The following SLC15A1 variants were observed in gnomAD, a reference collection of about 807,000 sequenced individuals.
SLC15A1 encodes the protein solute carrier family 15 member 1.
Under a neutral mutation model 92.9 loss-of-function variants are expected in SLC15A1, and 83 were observed. The ratio of observed to expected loss-of-function variants is 0.89; its 90% CI spans 0.75 to 1.07. The LOEUF is 1.07. Among genes scored for constraint, SLC15A1 ranks in the 50% least tolerant of loss-of-function variants. The probability of loss-of-function intolerance (pLI) is 0.00; values close to 1 mark genes in which losing one functional copy is unlikely to be tolerated. For missense variants in SLC15A1, 857 were observed against 880.1 expected, an observed-to-expected ratio of 0.97 and a Z score of 0.33; for synonymous variants, 322 against 318.2, an observed-to-expected ratio of 1.01 and a Z score of -0.13.
chr13:98,736,157 G>C (rs937668920), intron 1 of SLC15A1, among the ~76,000 whole-genome samples: 6 of 152,096 alleles, frequency 3.9e-5, no homozygotes, highest in Non-Finnish European at 8.8e-5. Context: ...TAGATCAATG[G>C]AACAGAACAG....
intron 18 of SLC15A1, among the ~76,000 whole-genome samples, chr13:98,691,382 C>T (rs2087975037): frequency 6.6e-6 from 1 of 152,230 alleles, no homozygotes. Context: ...TATGGATATA[C>T]CACCTTTTAT....
chr13:98,738,219 G>A (rs1239356683), intron 1 of SLC15A1, among the ~76,000 whole-genome samples: 1 of 152,116 alleles, frequency 6.6e-6, no homozygotes, highest in African/African-American at 2.4e-5. Flanking sequence ...GAGTGTAAAA[G>A]TTGGGAAAAT....
intron 4 of SLC15A1, among the ~76,000 whole-genome samples, chr13:98,725,097 C>T (rs370342567): frequency 5.3e-4 from 81 of 152,306 alleles, no homozygotes; most frequent in African/African-American, 1.9e-3. Flanking sequence ...CTCTCTCTCT[C>T]GCTTCCCCTC....
In SLC15A1 at chr13:98,704,310, C is replaced by G; in HGVS notation, c.1395G>C (p.Trp465Cys). Residue 465 changes from tryptophan (W) to cysteine (C), a missense_variant, in exon 17 of 23, where the codon TGG (tryptophan) becomes TGC (cysteine). Transcript: ENST00000376503. ...TTACCACCTGGTAGTGATTGGGGGCCCACACTAGAAGCGTGTGGCGTTGGC... is the reference window on the plus strand; with the variant it reads ...TTACCACCTGGTAGTGATTGGGGGCGCACACTAGAAGCGTGTGGCGTTGGC... Reference protein sequence around the residue: ...KQGQRHTLLVWAPNHYQVVKD... With the variant: ...KQGQRHTLLVCAPNHYQVVKD... The G allele has an allele frequency of 1.9e-6, 3 of 1,610,082 alleles. No individual in the cohort carries two copies. The highest frequency in any genetic ancestry group is 2.5e-6 in the Non-Finnish European group (3 of 1,178,398).
chr13:98,726,450 C>G lies in SLC15A1; in HGVS notation c.22-1G>C, dbSNP rs769902485. On this transcript the variant is annotated splice_acceptor_variant, in intron 2 of 22. Transcript: ENST00000376503. LOFTEE classifies it high-confidence loss of function. ...TGCTCAGGGGATAACCAAAGAAACTCTGACAAAAAAGAAACAAGCACAGGA... is the reference window on the plus strand; with the variant it reads ...TGCTCAGGGGATAACCAAAGAAACTGTGACAAAAAAGAAACAAGCACAGGA... The G allele has an allele frequency of 5.6e-6, 9 of 1,613,556 alleles. No homozygotes were observed. In the Admixed American group the frequency reaches 1.3e-4, roughly 24 times the overall value.
chr13:98,687,797 G>C, intron 20 of SLC15A1, 73 bp from the exon 21 acceptor site: 1 of 1,539,672 alleles, frequency 6.5e-7, no homozygotes, highest in Non-Finnish European at 8.9e-7. Flanking sequence ...CAGGTAAATT[G>C]AGTTTGACCT....
chr13:98,719,967 A>G (rs1483429122), intron 7 of SLC15A1, among the ~76,000 whole-genome samples: 1 of 151,722 alleles, frequency 6.6e-6, no homozygotes, highest in Non-Finnish European at 1.5e-5. Context: ...TATATTTATA[A>G]TAAATAAATA....
At chr13:98,706,421 G>C (rs1053459785) in intron 15 of SLC15A1, among the ~76,000 whole-genome samples, 168 bp from the exon 16 acceptor site, 2 of 152,186 alleles carry the variant, frequency 1.3e-5, no homozygotes. Flanking sequence ...GGCACCCACA[G>C]AAATGACTTT....
chr13:98,702,057 G>A (rs142793032), intron 18 of SLC15A1, among the ~76,000 whole-genome samples: 1 of 152,202 alleles, frequency 6.6e-6, no homozygotes, highest in African/African-American at 2.4e-5. Context: ...GCAACCAGAG[G>A]ATGTTTAATA....
At chr13:98,752,513 G>C in intron 1 of SLC15A1, 82 bp downstream of exon 1, 6 of 1,209,634 alleles carry the variant, frequency 5.0e-6, no homozygotes, top group Non-Finnish European at 5.2e-6. Context: ...TACCCTTCGC[G>C]CCTCCCGGCC....
At chr13:98,702,742 G>T (rs901688069) in intron 17 of SLC15A1, among the ~76,000 whole-genome samples, 5 of 151,972 alleles carry the variant, frequency 3.3e-5, no homozygotes, top group African/African-American at 1.2e-4. Context: ...GATCACTTGA[G>T]CTTAGGAGTT....
chr13:98,688,666 C>T lies in SLC15A1; in HGVS notation c.1467-89G>A. ...CATGCACCTGAAGTTGGGCAATACT[C>T]CCTATTTTGAAGGAGTTTAAGATGT... On this transcript the variant is annotated intron_variant, in intron 18 of 22. Coordinates refer to ENST00000376503, the MANE Select transcript of SLC15A1 (RefSeq NM_005073.4). 3 of 883,502 alleles carry T rather than the reference C, an allele frequency of 3.4e-6. No individual in the cohort carries two copies. The South Asian group carries it at 4.4e-5, about 13-fold the overall frequency. 54.7% of individuals were successfully genotyped at this position (883,502 alleles called of 1,614,324 possible). A position where few individuals can be genotyped will look rare whatever the true frequency, so the allele number is the denominator to read the frequency against.
chr13:98,721,938 G>A lies in SLC15A1; in HGVS notation c.366-35C>T, dbSNP rs374873356. On this transcript the variant is annotated intron_variant, in intron 5 of 22. Transcript: ENST00000376503. ...ACAGGGTGTTAGGGCCAACATGGCA[G>A]ATCCTCGCAAGTAGAAGGCCTCTCT... 8 of 1,568,826 alleles carry A rather than the reference G, an allele frequency of 5.1e-6. No homozygotes were observed. The African/African-American group carries it at 1.1e-4, about 21-fold the overall frequency.
intron 1 of SLC15A1, among the ~76,000 whole-genome samples, chr13:98,742,656 G>T (rs1174758886): frequency 2.6e-5 from 4 of 152,178 alleles, no homozygotes; most frequent in Non-Finnish European, 5.9e-5. Context: ...GGTGCTTTGA[G>T]GCCCAGCTTT....
At chr13:98,690,968 CTG>C (rs1478686103) in intron 18 of SLC15A1, among the ~76,000 whole-genome samples, 2 of 152,202 alleles carry the variant, frequency 1.3e-5, no homozygotes, top group African/African-American at 2.4e-5. Context: ...ATGCAGGTCT[CTG>C]TGACCAGCTT....
intron 6 of SLC15A1, 88 bp downstream of exon 6, chr13:98,721,716 C>T (rs566702207): frequency 2.6e-5 from 35 of 1,359,412 alleles, no homozygotes; most frequent in East Asian, 2.3e-4. Context: ...AAAAAGAATC[C>T]GATGTAGAAC....
At chr13:98,700,318 C>T (rs898937104) in intron 18 of SLC15A1, among the ~76,000 whole-genome samples, 19 of 151,846 alleles carry the variant, frequency 1.3e-4, no homozygotes, top group Admixed American at 9.9e-4. Flanking sequence ...GAGACCCCAT[C>T]TCTACCAAAA....
At chr13:98,741,607 C>T (rs1341872602) in intron 1 of SLC15A1, among the ~76,000 whole-genome samples, 1 of 151,854 alleles carries the variant, frequency 6.6e-6, no homozygotes, top group Non-Finnish European at 1.5e-5. Context: ...GCCTGTAATC[C>T]CAGCTACTCA....
At chr13:98,710,995 G>A (rs1360716702) in intron 11 of SLC15A1, among the ~76,000 whole-genome samples, 3 of 151,966 alleles carry the variant, frequency 2.0e-5, no homozygotes, top group African/African-American at 4.8e-5. Flanking sequence ...CAGGTGAGGA[G>A]TGTGTTTCCA....
Sources: allele counts gnomAD v4.1 joint callset (sites outside exome capture counted in the v4.1 genomes callset), GRCh38; gene constraint gnomAD v4.1.1; transcripts MANE v1.5; gene names NCBI Gene and HGNC (gene_info 2026-07-23, HGNC 2026-07-21).